The following OTC variants were observed in gnomAD, a reference collection of about 807,000 sequenced individuals.
OTC encodes the protein ornithine transcarbamylase.
Under a neutral mutation model 30.3 loss-of-function variants are expected in OTC, and 3 were observed. The observed-to-expected ratio is 0.10, with a 90% CI of 0.05 to 0.26. The LOEUF (loss-of-function observed/expected upper bound fraction) is 0.26. Ranked by LOEUF, OTC falls within the 10% of genes least tolerant of loss-of-function variation. The pLI, the probability that OTC is intolerant of heterozygous loss-of-function variation, is 1.00. For synonymous variants in OTC, 111 were observed against 99.7 expected (o/e 1.11, Z -0.67); for missense variants, 194 against 260.3 (o/e 0.75, Z 1.75).
chrX:38,371,168 C>G (rs1342810387), intron 3 of OTC, among the ~76,000 whole-genome samples: 2 of 111,717 alleles, frequency 1.8e-5, no homozygotes, highest in Non-Finnish European at 3.8e-5. Context: ...CTCTTCTTCC[C>G]CTTTCAGTTC....
intron 1 of OTC, among the ~76,000 whole-genome samples, chrX:38,358,532 C>T (rs1171844221): frequency 3.6e-5 from 4 of 110,734 alleles, no homozygotes; most frequent in Non-Finnish European, 7.5e-5. Flanking sequence ...TGCCCCACCT[C>T]CTGGATGGAA....
chrX:38,380,037 G>A (rs772103270), intron 3 of OTC, among the ~76,000 whole-genome samples: 3 of 111,858 alleles, frequency 2.7e-5, no homozygotes, highest in Non-Finnish European at 3.8e-5. Flanking sequence ...GTAAATTAAA[G>A]TTACAATGAT....
At chrX:38,397,982 C>G (rs973622570) in intron 4 of OTC, among the ~76,000 whole-genome samples, 1 of 112,017 alleles carries the variant, frequency 8.9e-6, no homozygotes, top group African/African-American at 3.2e-5. Context: ...AGTGTTGCAA[C>G]CTGAATAAAG....
At chrX:38,361,253 T>C (rs2068270052) in intron 1 of OTC, among the ~76,000 whole-genome samples, 1 of 110,754 alleles carries the variant, frequency 9.0e-6, no homozygotes, top group Non-Finnish European at 1.9e-5. Context: ...TGCAGTGAGC[T>C]GAGATTGCGC....
chrX:38,403,858 T>C, intron 6 of OTC, 118 bp downstream of exon 6: 3 of 798,762 alleles, frequency 3.8e-6, no homozygotes. Flanking sequence ...GGCCACAGAA[T>C]TTAGGTTACG....
chrX:38,398,153 T>G (rs908348851), intron 4 of OTC, among the ~76,000 whole-genome samples: 1 of 111,767 alleles, frequency 8.9e-6, no homozygotes, highest in Non-Finnish European at 1.9e-5. Flanking sequence ...ACACCTGCCT[T>G]TTTTTCAGTC....
At chrX:38,391,806 A>C in intron 4 of OTC, among the ~76,000 whole-genome samples, 1 of 111,490 alleles carries the variant, frequency 9.0e-6, no homozygotes, top group African/African-American at 3.3e-5. Flanking sequence ...TGCTCTAAGA[A>C]GACTTGGGGC....
At chrX:38,348,049 C>T (rs760931830), upstream of OTC, among the ~76,000 whole-genome samples, 1 of 112,281 alleles carries the variant, frequency 8.9e-6, no homozygotes, top group Non-Finnish European at 1.9e-5. Context: ...GAATTTTATT[C>T]TCAGTAATAG....
At chrX:38,422,151 T>C (rs975382459), downstream of OTC, among the ~76,000 whole-genome samples, 3 of 112,148 alleles carry the variant, frequency 2.7e-5, no homozygotes, top group Admixed American at 9.5e-5. Context: ...ATTCTACATT[T>C]ACTATTAGAA....
the OTC span, among the ~76,000 whole-genome samples, chrX:38,335,772 A>G: frequency 8.9e-6 from 1 of 112,427 alleles, no homozygotes; most frequent in East Asian, 2.8e-4. Flanking sequence ...ATTGGGAATC[A>G]GGCTTGAAAA....
At chrX:38,357,404 T>C (rs2068247350) in intron 1 of OTC, among the ~76,000 whole-genome samples, 1 of 113,012 alleles carries the variant, frequency 8.8e-6, no homozygotes, top group African/African-American at 3.2e-5. Flanking sequence ...GCTCTTGCAT[T>C]AATGCAAGGT....
At chrX:38,422,435 A>G (rs190565402), downstream of OTC, among the ~76,000 whole-genome samples, 1,217 of 112,070 alleles carry the variant, frequency 0.011, 13 homozygotes, top group African/African-American at 0.038. Context: ...ACAAGGTGTC[A>G]TATGGATTGT....
chrX:38,344,541 A>G, the OTC span, among the ~76,000 whole-genome samples: 4 of 110,048 alleles, frequency 3.6e-5, no homozygotes, highest in African/African-American at 1.3e-4. Flanking sequence ...CCACATGTGG[A>G]AAAAAAAACT....
intron 3 of OTC, among the ~76,000 whole-genome samples, chrX:38,374,264 G>A (rs1332286563): frequency 1.8e-5 from 2 of 111,381 alleles, no homozygotes; most frequent in Non-Finnish European, 3.8e-5. Context: ...ACAGGTAAAA[G>A]CAGGCTTCTC....
At chrX:38,391,728 T>C (rs944440111) in intron 4 of OTC, among the ~76,000 whole-genome samples, 7 of 111,517 alleles carry the variant, frequency 6.3e-5, no homozygotes, top group Non-Finnish European at 1.9e-5. Context: ...ACTCTCTTGC[T>C]TTGTGGTGTG....
chrX:38,417,312 C>G (rs2068574770), intron 9 of OTC, among the ~76,000 whole-genome samples: 1 of 111,751 alleles, frequency 8.9e-6, no homozygotes, highest in South Asian at 3.8e-4. Flanking sequence ...AATTCTGGCT[C>G]TCTCTGTGAT....
At chrX:38,376,075 G>A (rs756498986) in intron 3 of OTC, among the ~76,000 whole-genome samples, 1 of 110,677 alleles carries the variant, frequency 9.0e-6, no homozygotes, top group African/African-American at 3.3e-5. Context: ...AAGGAAGAGG[G>A]CTCAGAAATG....
chrX:38,385,530 G>GCA (rs1348642465), intron 4 of OTC, among the ~76,000 whole-genome samples: 1 of 111,502 alleles, frequency 9.0e-6, no homozygotes, highest in Non-Finnish European at 1.9e-5. Context: ...AGCCAGGTAC[G>GCA]CAATGCTGTA....
intron 4 of OTC, among the ~76,000 whole-genome samples, chrX:38,400,590 G>A (rs755588456): frequency 4.0e-4 from 45 of 112,080 alleles, no homozygotes; most frequent in African/African-American, 1.5e-3. Flanking sequence ...AGCCAGTAGC[G>A]CAGCTCTGAG....
Sources: allele counts gnomAD v4.1 joint callset (sites outside exome capture counted in the v4.1 genomes callset), GRCh38; gene constraint gnomAD v4.1.1; transcripts MANE v1.5; gene names NCBI Gene and HGNC (gene_info 2026-07-23, HGNC 2026-07-21).